KAT6B: variants seen among roughly 807,000 people sequenced by gnomAD.
KAT6B encodes the protein lysine acetyltransferase 6B.
In KAT6B, 10 loss-of-function variants were observed where a neutral mutation model predicts 187.5. That is an observed-to-expected ratio of 0.05 (90% CI 0.03 to 0.09). The LOEUF (loss-of-function observed/expected upper bound fraction) is 0.09. KAT6B is among the 10% of genes least tolerant of loss of function. The probability of loss-of-function intolerance (pLI) is 1.00; values close to 1 mark genes in which losing one functional copy is unlikely to be tolerated. For synonymous variants in KAT6B, 861 were observed against 926.8 expected (o/e 0.93, Z 1.29); for missense variants, 1,952 against 2,558.9 (o/e 0.76, Z 5.12).
chr10:74,912,410 T>TAGATAGATAGATAGATAGAA (rs1344081593), intron 3 of KAT6B, among the ~76,000 whole-genome samples: 1 of 151,824 alleles, frequency 6.6e-6, no homozygotes, highest in East Asian at 1.9e-4. Context: ...GATAGATAGA[T>TAGATAGATAGATAGATAGAA]AGAAAGATAG....
chr10:74,917,760 T>C (rs1022221643), intron 3 of KAT6B, among the ~76,000 whole-genome samples: 2 of 152,168 alleles, frequency 1.3e-5, no homozygotes, highest in African/African-American at 4.8e-5. Flanking sequence ...TCTTAAAGAA[T>C]GGGGAAACTT....
Position 74,985,187 on chromosome 10 carries a change from T to C in KAT6B, c.2481T>C (p.Tyr827=), listed in dbSNP as rs1330893753. ...ATGATGTCGAGCCATTCCTTTTTTA[T>C]GTCCTTACAAAAAATGATGAAAAGG... ...LYYDVEPFLF[Y]VLTKNDEKGC... Residue 827 remains tyrosine, a synonymous_variant, in exon 12 of 18, where the codon TAT becomes TAC. Transcript: ENST00000287239. 6.2e-7 allele frequency: 1 copy of C among 1,614,170 alleles called. No individual in the cohort carries two copies.
chr10:74,897,681 G>C (rs1451166275), intron 3 of KAT6B, among the ~76,000 whole-genome samples: 2 of 152,146 alleles, frequency 1.3e-5, no homozygotes, highest in African/African-American at 4.8e-5. Context: ...TCATCCAATA[G>C]ATACTTGATT....
intron 3 of KAT6B, among the ~76,000 whole-genome samples, chr10:74,906,110 A>G (rs1256674631): frequency 1.3e-5 from 2 of 152,292 alleles, no homozygotes; most frequent in Middle Eastern, 3.4e-3. Flanking sequence ...ATAGAAAACC[A>G]TAGGATTGGC....
chr10:75,014,259 G>A (rs1844822639), intron 13 of KAT6B, among the ~76,000 whole-genome samples: 1 of 152,128 alleles, frequency 6.6e-6, no homozygotes, highest in African/African-American at 2.4e-5. Flanking sequence ...AGGATCGCTT[G>A]AGCCTGAGAG....
chr10:75,017,715 C>T (rs994010178), intron 13 of KAT6B, among the ~76,000 whole-genome samples: 2 of 152,192 alleles, frequency 1.3e-5, no homozygotes, highest in African/African-American at 4.8e-5. Flanking sequence ...CAGCTGCAGC[C>T]TTCTGAGAGG....
Position 74,985,261 on chromosome 10 carries a change from G to A in KAT6B, c.2535+20G>A, listed in dbSNP as rs771004407. On this transcript the variant is annotated intron_variant, in intron 12 of 17. Transcript: ENST00000287239. ...TCTAAGGTAAAACAAGAGCCAGCAT[G>A]ACCTTCATTTTCTTTTTCAAAATGT... 3.1e-6 allele frequency: 5 copies of A among 1,613,050 alleles called. No individual in the cohort carries two copies. Among genetic ancestry groups the A allele is most frequent in the South Asian group, 2.2e-5 (2 of 91,006 alleles).
At chr10:74,849,917 C>T (rs916535983) in intron 3 of KAT6B, among the ~76,000 whole-genome samples, 1 of 150,622 alleles carries the variant, frequency 6.6e-6, no homozygotes, top group Non-Finnish European at 1.5e-5. Context: ...TACCACTGGG[C>T]AGTACACTGG....
At chr10:74,849,941 CTTT>C (rs751911800) in intron 3 of KAT6B, among the ~76,000 whole-genome samples, 3 of 137,948 alleles carry the variant, frequency 2.2e-5, no homozygotes, top group Non-Finnish European at 1.6e-5. Flanking sequence ...ACAGTGGTGG[CTTT>C]TTTTTTTTTT....
At chr10:74,968,346 A>C (rs962637193) in intron 4 of KAT6B, among the ~76,000 whole-genome samples, 1 of 151,778 alleles carries the variant, frequency 6.6e-6, no homozygotes, top group Non-Finnish European at 1.5e-5. Context: ...CTGTGACAAT[A>C]TTTTATTTTC....
intron 14 of KAT6B, among the ~76,000 whole-genome samples, 155 bp from the exon 15 acceptor site, chr10:75,020,971 T>C (rs1308235472): frequency 6.6e-6 from 1 of 152,262 alleles, no homozygotes; most frequent in Non-Finnish European, 1.5e-5. Flanking sequence ...GACACTTTTT[T>C]ACTGGTTGGA....
In KAT6B at chr10:74,847,738, C is replaced by T. The variant is rs77881262; in HGVS notation, c.621+4260C>T. On this transcript the variant is annotated intron_variant, in intron 3 of 17. Transcript: ENST00000287239. ...AGAAAATTACAACATAATATATTAC[C>T]CTTTGAAATTAAAAGTGATTTAATA... Among the ~76,000 whole-genome samples, 502 of 151,598 alleles carry T rather than the reference C, an allele frequency of 3.3e-3. 2 individuals carry two copies. The highest frequency in any genetic ancestry group is 0.012 in the African/African-American group (488 of 41,396).
Position 75,028,020 on chromosome 10 carries a change from A to G in KAT6B, c.3665-469A>G, listed in dbSNP as rs1055246696. On this transcript the variant is annotated intron_variant, in intron 17 of 17. Transcript: ENST00000287239. Reference sequence around the variant, plus strand: ...AATCATGTCTTCCAAGATCATTTACATCCTATAAATGTCCACAAACAGAGG... The same window carrying G: ...AATCATGTCTTCCAAGATCATTTACGTCCTATAAATGTCCACAAACAGAGG... 3.6e-4 allele frequency among the ~76,000 whole-genome samples: 55 copies of G among 152,244 alleles called. 1 individual carries two copies. Among genetic ancestry groups the G allele is most frequent in the Admixed American group, 6.5e-5 (1 of 15,290 alleles).
At chr10:74,944,150 T>C (rs1456111789) in intron 3 of KAT6B, among the ~76,000 whole-genome samples, 1 of 152,218 alleles carries the variant, frequency 6.6e-6, no homozygotes, top group African/African-American at 2.4e-5. Flanking sequence ...CTTGGATGAC[T>C]TCACAGATTG....
chr10:74,865,519 CT>C (rs757471353), intron 3 of KAT6B, among the ~76,000 whole-genome samples: 387 of 143,316 alleles, frequency 2.7e-3, no homozygotes, highest in Admixed American at 4.1e-3. Context: ...ATTATTTTAT[CT>C]TTTTTTTTTT....
At chr10:75,021,704 T>C (rs1168690381) in intron 15 of KAT6B, among the ~76,000 whole-genome samples, 177 bp from the exon 16 acceptor site, 1 of 152,226 alleles carries the variant, frequency 6.6e-6, no homozygotes, top group African/African-American at 2.4e-5. Flanking sequence ...CCCAATCTTC[T>C]TTGATTTGTT....
Position 75,020,569 on chromosome 10 carries a change from T to G in KAT6B, c.2630-13T>G. On this transcript the variant is annotated splice_polypyrimidine_tract_variant and intron_variant, in intron 13 of 17. Coordinates refer to ENST00000287239, the MANE Select transcript of KAT6B (RefSeq NM_012330.4). ...CCACAGTGAGGAATGCCCATTTATT[T>G]TTTCTGCCCTAGGCTATTTGCTTTC... is the stretch of plus-strand genomic sequence containing the variant. The G allele has an allele frequency of 6.2e-7, 1 of 1,601,458 alleles. No homozygotes were observed. The highest frequency in any genetic ancestry group is 1.1e-5 in the South Asian group (1 of 90,846).
intron 3 of KAT6B, 74 bp downstream of exon 3, chr10:74,843,552 GTGGACAAAAGTTC>G: frequency 1.3e-6 from 2 of 1,545,054 alleles, no homozygotes; most frequent in South Asian, 2.2e-5. Context: ...TAAGTTTTAT[GTGGACAAAAGTTC>G]TGAATAAAGT....
Position 74,998,749 on chromosome 10 carries a change from T to C in KAT6B, c.2629+9637T>C, listed in dbSNP as rs551696247. 4.6e-5 allele frequency among the ~76,000 whole-genome samples: 7 copies of C among 152,228 alleles called. No homozygotes were observed. The South Asian group carries it at 1.5e-3, about 32-fold the overall frequency. Reference sequence around the variant, plus strand: ...GCCTGGGCAACATAGTAAGACCCCATCTCTACAAAAATAAATAAATGAAAT... The same window carrying C: ...GCCTGGGCAACATAGTAAGACCCCACCTCTACAAAAATAAATAAATGAAAT... On this transcript the variant is annotated intron_variant, in intron 13 of 17. Transcript: ENST00000287239.
Sources: allele counts gnomAD v4.1 joint callset (sites outside exome capture counted in the v4.1 genomes callset), GRCh38; gene constraint gnomAD v4.1.1; transcripts MANE v1.5; gene names NCBI Gene and HGNC (gene_info 2026-07-23, HGNC 2026-07-21).